SYT1: variants seen among roughly 807,000 people sequenced by gnomAD.
SYT1 encodes synaptotagmin-1.
Under a neutral mutation model 44.8 loss-of-function variants are expected in SYT1, and 8 were observed. The ratio of observed to expected loss-of-function variants is 0.18; its 90% CI spans 0.10 to 0.32. SYT1 has a LOEUF of 0.32. Among genes scored for constraint, SYT1 ranks in the 10% least tolerant of loss-of-function variants. SYT1 has a pLI of 1.00. For missense variants in SYT1, 286 were observed against 509.3 expected, an observed-to-expected ratio of 0.56 and a Z score of 4.22; for synonymous variants, 154 against 188.8, an observed-to-expected ratio of 0.82 and a Z score of 1.51.
chr12:79,256,472 C>T (rs1030251075), intron 4 of SYT1, among the ~76,000 whole-genome samples: 5 of 152,224 alleles, frequency 3.3e-5, no homozygotes, highest in Admixed American at 2.6e-4. Flanking sequence ...CAAACCATTA[C>T]CTTATCAAGC....
chr12:78,930,092 T>C (rs565938034), intron 1 of SYT1, among the ~76,000 whole-genome samples: 1 of 152,328 alleles, frequency 6.6e-6, no homozygotes, highest in Admixed American at 6.5e-5. Flanking sequence ...GTTTTAGTAA[T>C]CTATTGCACT....
chr12:78,964,475 T>C (rs1330546042), intron 1 of SYT1, among the ~76,000 whole-genome samples: 1 of 152,176 alleles, frequency 6.6e-6, no homozygotes, highest in African/African-American at 2.4e-5. Context: ...ATACTCTCTT[T>C]AGAATTTTGG....
At chr12:78,936,733 G>A (rs181834596) in intron 1 of SYT1, among the ~76,000 whole-genome samples, 1 of 152,274 alleles carries the variant, frequency 6.6e-6, no homozygotes, top group African/African-American at 2.4e-5. Flanking sequence ...GGAAAGGAAG[G>A]CCAGAATTCA....
chr12:79,038,843 T>C (rs1237733224), intron 2 of SYT1, among the ~76,000 whole-genome samples: 2 of 152,134 alleles, frequency 1.3e-5, no homozygotes, highest in South Asian at 2.1e-4. Flanking sequence ...AGCTCAGCAC[T>C]ATGCTACCGA....
At chr12:79,273,282 T>G (rs1878533686) in intron 4 of SYT1, among the ~76,000 whole-genome samples, 1 of 151,910 alleles carries the variant, frequency 6.6e-6, no homozygotes, top group Non-Finnish European at 1.5e-5. Context: ...CCAGCTATTT[T>G]TTTTTATTAT....
chr12:78,935,122 A>G (rs1332322019), intron 1 of SYT1, among the ~76,000 whole-genome samples: 1 of 152,188 alleles, frequency 6.6e-6, no homozygotes, highest in Non-Finnish European at 1.5e-5. Flanking sequence ...TCCTTGACCT[A>G]GAGAATTTTG....
At chr12:79,344,411 G>C (rs1298755181) in intron 8 of SYT1, among the ~76,000 whole-genome samples, 1 of 152,120 alleles carries the variant, frequency 6.6e-6, no homozygotes, top group African/African-American at 2.4e-5. Flanking sequence ...TGGTGGTCCA[G>C]TGCTCTTTCC....
chr12:79,045,595 G>C (rs1054865085), intron 2 of SYT1: 1 of 153,994 alleles, frequency 6.5e-6, no homozygotes, highest in Admixed American at 6.5e-5. Context: ...CGTCACTCAC[G>C]CTGGGAGCTG....
chr12:79,189,984 C>A (rs574739931), intron 3 of SYT1, among the ~76,000 whole-genome samples: 5 of 152,056 alleles, frequency 3.3e-5, no homozygotes, highest in Non-Finnish European at 5.9e-5. Flanking sequence ...TAAAGGGGAG[C>A]GTGTTTTCCC....
At chr12:79,288,081 A>G (rs1879399233) in intron 5 of SYT1, among the ~76,000 whole-genome samples, 1 of 152,144 alleles carries the variant, frequency 6.6e-6, no homozygotes, top group Non-Finnish European at 1.5e-5. Context: ...TATACACTCC[A>G]GGGATAAACG....
chr12:78,869,301 T>C (rs1275807298), intron 1 of SYT1, among the ~76,000 whole-genome samples: 1 of 151,950 alleles, frequency 6.6e-6, no homozygotes, highest in Non-Finnish European at 1.5e-5. Flanking sequence ...TAAGATAAAC[T>C]GTGGTAGCCG....
intron 1 of SYT1, among the ~76,000 whole-genome samples, chr12:78,896,626 C>T (rs981886173): frequency 1.3e-5 from 2 of 151,806 alleles, no homozygotes; most frequent in African/African-American, 4.8e-5. Context: ...CCTCTCTCCT[C>T]ATGTAAACAG....
intron 1 of SYT1, among the ~76,000 whole-genome samples, chr12:78,950,692 G>A (rs958643984): frequency 6.6e-6 from 1 of 152,028 alleles, no homozygotes; most frequent in Non-Finnish European, 1.5e-5. Context: ...TGCAGGAAAG[G>A]CACTTTAAAT....
intron 2 of SYT1, among the ~76,000 whole-genome samples, chr12:79,003,676 T>G (rs1870888096): frequency 6.6e-6 from 1 of 152,026 alleles, no homozygotes; most frequent in Non-Finnish European, 1.5e-5. Context: ...CTTTCTGAAC[T>G]CCAGAATATG....
chr12:79,275,902 C>T (rs955302154), intron 4 of SYT1, among the ~76,000 whole-genome samples: 6 of 152,178 alleles, frequency 3.9e-5, no homozygotes, highest in African/African-American at 1.4e-4. Context: ...CCTGCTTACA[C>T]ATCCAGTACA....
intron 3 of SYT1, among the ~76,000 whole-genome samples, chr12:79,204,727 C>A (rs368316053): frequency 2.0e-5 from 3 of 150,822 alleles, no homozygotes; most frequent in African/African-American, 7.3e-5. Context: ...TCTCCCTCTT[C>A]TATCAAAAAT....
chr12:79,332,162 T>C (rs1205209250), intron 8 of SYT1, among the ~76,000 whole-genome samples: 2 of 152,200 alleles, frequency 1.3e-5, no homozygotes, highest in Non-Finnish European at 2.9e-5. Flanking sequence ...TGTGAATACA[T>C]GCAAAATGAA....
chr12:78,989,454 C>A (rs1869871122), intron 2 of SYT1, among the ~76,000 whole-genome samples: 2 of 152,082 alleles, frequency 1.3e-5, no homozygotes, highest in Non-Finnish European at 2.9e-5. Flanking sequence ...CTGGGTCAGC[C>A]TCTCTGGGAG....
At chr12:79,144,514 C>T (rs1189813303) in intron 3 of SYT1, among the ~76,000 whole-genome samples, 7 of 152,178 alleles carry the variant, frequency 4.6e-5, no homozygotes, top group Admixed American at 3.9e-4. Context: ...CATCCAGATG[C>T]CAGGCATCCA....
Sources: allele counts gnomAD v4.1 joint callset (sites outside exome capture counted in the v4.1 genomes callset), GRCh38; gene constraint gnomAD v4.1.1; transcripts MANE v1.5; gene names NCBI Gene and HGNC (gene_info 2026-07-23, HGNC 2026-07-21).